The following FARP2 variants were observed in gnomAD, a reference collection of about 807,000 sequenced individuals.
FARP2 encodes FERM, ARH/RhoGEF and pleckstrin domain protein 2.
Under a neutral mutation model 130.5 loss-of-function variants are expected in FARP2, and 111 were observed. The ratio of observed to expected loss-of-function variants is 0.85; its 90% CI spans 0.73 to 1.00. The LOEUF (loss-of-function observed/expected upper bound fraction) is 1.00, where lower values mean the gene tolerates loss of function less well. FARP2 is among the 50% of genes least tolerant of loss of function. The pLI, the probability that FARP2 is intolerant of heterozygous loss-of-function variation, is 0.00. For missense variants in FARP2, 1,385 were observed against 1,346.3 expected, an observed-to-expected ratio of 1.03 and a Z score of -0.45; for synonymous variants, 504 against 516.9, an observed-to-expected ratio of 0.98 and a Z score of 0.34.
intron 2 of FARP2, among the ~76,000 whole-genome samples, chr2:241,396,866 T>C (rs2062042437): frequency 1.3e-5 from 2 of 152,186 alleles, no homozygotes. Flanking sequence ...ATCATGCTGC[T>C]ATAAAGACAC....
intron 18 of FARP2, among the ~76,000 whole-genome samples, chr2:241,470,396 CAG>C (rs1256405102): frequency 6.6e-6 from 1 of 150,710 alleles, no homozygotes; most frequent in Non-Finnish European, 1.5e-5. Context: ...ACGTGGCTCT[CAG>C]GGGGTCCTGT....
chr2:241,373,208 C>G lies in FARP2; in HGVS notation c.101C>G (p.Thr34Ser). ...VGVSTLEPGQTLLPRMQEKHL... is the reference protein window; with the variant it reads ...VGVSTLEPGQSLLPRMQEKHL... ...GTTAGCACCCTTGAGCCTGGGCAGA[C>G]TCTCTTGCCCAGAATGCAAGAGAAG... is the stretch of plus-strand genomic sequence containing the variant. The change falls in exon 2 of 27, where the codon ACT (threonine) becomes AGT (serine). Residue 34 changes from threonine (T) to serine (S), a missense_variant. Thr to Ser is a moderately conservative substitution (Grantham distance 58, BLOSUM62 1). Coordinates refer to ENST00000264042, the MANE Select transcript of FARP2 (RefSeq NM_014808.4). 6.3e-7 allele frequency: 1 copy of G among 1,576,818 alleles called. No homozygotes were observed.
rs952082115 is a variant in FARP2 at position 241,494,821 on chromosome 2, TAAAC to T, written c.*702_*705del. 2.2e-4 allele frequency: 33 copies of T among 152,264 alleles called. No homozygotes were observed. The highest frequency in any genetic ancestry group is 1.5e-3 in the Admixed American group (23 of 15,296). 9.4% of individuals were successfully genotyped at this position (152,264 alleles called of 1,614,324 possible). ...TTGTTCACACACATTTGATTAAAAA[TAAAC>T]AAACAGCATCTCCCCACCTGCATTC... On this transcript the variant is annotated 3_prime_UTR_variant, in exon 27 of 27. Coordinates refer to ENST00000264042, the MANE Select transcript of FARP2 (RefSeq NM_014808.4). This position sits in a 1 kb window ranked among gnomAD's most constrained non-coding sequence, Gnocchi z 4.9.
intron 19 of FARP2, among the ~76,000 whole-genome samples, chr2:241,480,010 T>C (rs569050759): frequency 4.6e-5 from 7 of 152,352 alleles, no homozygotes; most frequent in Non-Finnish European, 8.8e-5. Flanking sequence ...TGGGAGCTGA[T>C]AGGATTCTTT....
intron 1 of FARP2, among the ~76,000 whole-genome samples, chr2:241,366,373 T>C (rs1434938506): frequency 6.6e-6 from 1 of 151,788 alleles, no homozygotes; most frequent in African/African-American, 2.4e-5. Flanking sequence ...GTTTGTAGAA[T>C]TTTGTTTAAC....
rs774611397 is a variant in FARP2 at position 241,494,063 on chromosome 2, G to A, written c.3103G>A (p.Val1035Met). 35 of 1,437,302 alleles carry A rather than the reference G, an allele frequency of 2.4e-5. No homozygotes were observed. Among genetic ancestry groups the A allele is most frequent in the South Asian group, 5.1e-5 (3 of 58,366 alleles). The allele number at this position is 1,437,302 out of a possible 1,614,324, so 89.0% of individuals were successfully genotyped here. A position where few individuals can be genotyped will look rare whatever the true frequency, so the allele number is the denominator to read the frequency against. ...SSSAGRAPSI[V>M]QDGPQPSSGL... ...CTCAGCCGGGAGGGCCCCAAGCATC[G>A]TGCAGGATGGCCCCCAACCCTCCTC... Residue 1035 changes from valine to methionine, a missense_variant, in exon 27 of 27, where the codon GTG becomes ATG. By Grantham distance (21) the Val-to-Met change is conservative (BLOSUM62 1). Transcript: ENST00000264042. This position sits in a 1 kb window ranked among gnomAD's most constrained non-coding sequence, Gnocchi z 4.9.
At chr2:241,419,307 C>A (rs1037478929) in intron 8 of FARP2, among the ~76,000 whole-genome samples, 2 of 152,080 alleles carry the variant, frequency 1.3e-5, no homozygotes, top group Admixed American at 6.6e-5. Flanking sequence ...GTCTGAGCAT[C>A]CCCTGCCTAC....
intron 12 of FARP2, among the ~76,000 whole-genome samples, chr2:241,440,708 C>T (rs2063360023): frequency 6.6e-6 from 1 of 152,154 alleles, no homozygotes; most frequent in African/African-American, 2.4e-5. Context: ...TGTTACTCAC[C>T]TGTCAGTACT....
intron 8 of FARP2, among the ~76,000 whole-genome samples, chr2:241,419,176 C>T (rs1211017213): frequency 6.6e-6 from 1 of 151,884 alleles, no homozygotes; most frequent in African/African-American, 2.4e-5. Context: ...AATTTCCTGT[C>T]AGAAAAAAAA....
chr2:241,423,109 A>T (rs776956819), intron 8 of FARP2, among the ~76,000 whole-genome samples: 4 of 152,216 alleles, frequency 2.6e-5, no homozygotes, highest in Admixed American at 6.5e-5. Flanking sequence ...GGAAATGCAG[A>T]GAACCCCAGT....
intron 17 of FARP2, among the ~76,000 whole-genome samples, chr2:241,466,801 A>G (rs949983581): frequency 3.3e-5 from 5 of 151,862 alleles, no homozygotes; most frequent in Non-Finnish European, 2.9e-5. Flanking sequence ...AACTGTGAAT[A>G]TTTTTAACCC....
intron 21 of FARP2, 57 bp from the exon 22 acceptor site, chr2:241,489,905 C>T: frequency 1.6e-6 from 2 of 1,227,416 alleles, no homozygotes; most frequent in South Asian, 2.4e-5. Flanking sequence ...CCTGCTCAGG[C>T]TTAGGCTGTC....
At position 241,493,115 on chromosome 2, in the gene FARP2, G is replaced by GTATT. The variant is rs578107284; in HGVS notation, c.2895+81_2895+84dup. ...AACCCTGCTCACCTGTGTCCCTTTTGTATTTTGGTTCTGCCCTCCCATGCT... is the reference window on the plus strand; with the variant it reads ...AACCCTGCTCACCTGTGTCCCTTTTGTATTTATTTTGGTTCTGCCCTCCCATGCT... On this transcript the variant is annotated intron_variant, in intron 25 of 26. Transcript: ENST00000264042. 2,036 of 1,137,800 alleles carry GTATT rather than the reference G, an allele frequency of 1.8e-3. 38 individuals carry two copies. The South Asian group carries it at 0.021, about 12-fold the overall frequency. The allele number at this position is 1,137,800 out of a possible 1,614,324, so 70.5% of individuals were successfully genotyped here.
chr2:241,438,786 T>G (rs2063310317), intron 12 of FARP2, among the ~76,000 whole-genome samples: 1 of 33,198 alleles, frequency 3.0e-5, no homozygotes, highest in South Asian at 1.7e-3. Flanking sequence ...CCCGCCACCA[T>G]GCCTGGTAAT....
rs974888538 is a variant in FARP2 at position 241,446,389 on chromosome 2, C to T, written c.1411+4833C>T. The T allele has an allele frequency of 4.6e-5, 7 of 152,216 alleles. No homozygotes were observed. In the South Asian group the frequency reaches 8.3e-4, roughly 18 times the overall value. 9.4% of individuals were successfully genotyped at this position (152,216 alleles called of 1,614,324 possible). On this transcript the variant is annotated intron_variant, in intron 13 of 26. Transcript: ENST00000264042. ...ATTTAAACCTGTTGGTTAAGTCATTCCCATTAATGTCATTTTGCTGAGGGT... is the reference window on the plus strand; with the variant it reads ...ATTTAAACCTGTTGGTTAAGTCATTTCCATTAATGTCATTTTGCTGAGGGT...
intron 8 of FARP2, among the ~76,000 whole-genome samples, chr2:241,418,704 A>G (rs1436741173): frequency 1.3e-5 from 2 of 152,112 alleles, no homozygotes; most frequent in African/African-American, 4.8e-5. Context: ...GCTCACTTCC[A>G]TTTGTGGTTA....
At chr2:241,466,238 A>G (rs992589907) in intron 17 of FARP2, 45 of 985,292 alleles carry the variant, frequency 4.6e-5, no homozygotes, top group Non-Finnish European at 1.2e-6. Context: ...GTCCCCCTAC[A>G]GTGCAAGTGT....
chr2:241,453,783 T>G (rs1183933075), intron 13 of FARP2, among the ~76,000 whole-genome samples: 6 of 117,240 alleles, frequency 5.1e-5, no homozygotes, highest in Admixed American at 1.7e-4. Flanking sequence ...TTTTTTTTTT[T>G]TTTTTTTTTT....
chr2:241,457,886 T>A (rs1396329791), intron 14 of FARP2, among the ~76,000 whole-genome samples: 1 of 152,140 alleles, frequency 6.6e-6, no homozygotes, highest in Non-Finnish European at 1.5e-5. Context: ...GGCGGTTCTC[T>A]GCTGTTGTGG....
Sources: allele counts gnomAD v4.1 joint callset (sites outside exome capture counted in the v4.1 genomes callset), GRCh38; gene constraint gnomAD v4.1.1; non-coding constraint Gnocchi (gnomAD v3.1); transcripts MANE v1.5; gene names NCBI Gene and HGNC (gene_info 2026-07-23, HGNC 2026-07-21).